The following EPG5 variants were observed in gnomAD, a reference collection of about 807,000 sequenced individuals.
EPG5 encodes the protein ectopic P granules protein 5 homolog.
Under a neutral mutation model 302.7 loss-of-function variants are expected in EPG5, and 159 were observed. The ratio of observed to expected loss-of-function variants is 0.53; its 90% confidence interval spans 0.46 to 0.60. EPG5 has a LOEUF of 0.60. Ranked by LOEUF, EPG5 falls within the 20% of genes least tolerant of loss-of-function variation. EPG5 has a pLI of 0.00. For synonymous variants in EPG5, 1,158 were observed against 1,136.8 expected (o/e 1.02, Z -0.37); for missense variants, 2,896 against 3,092.4 (o/e 0.94, Z 1.51).
At position 45,915,646 on chromosome 18, in the gene EPG5, G is replaced by A. The variant is rs1230108723; in HGVS notation, c.3583-25C>T. On this transcript the variant is annotated intron_variant, in intron 19 of 43. Coordinates refer to ENST00000282041, the MANE Select transcript of EPG5 (RefSeq NM_020964.3). Reference sequence around the variant, plus strand: ...TCTACACCGGGAGATGTGGAGCAGAGAGAGGAGGTTTTAAGGAAAATCTTA... The same window carrying A: ...TCTACACCGGGAGATGTGGAGCAGAAAGAGGAGGTTTTAAGGAAAATCTTA... 1.9e-6 allele frequency: 3 copies of A among 1,576,960 alleles called. No individual in the cohort carries two copies. The African/African-American group carries it at 4.0e-5, about 21-fold the overall frequency.
chr18:45,884,711 T>C lies in EPG5; in HGVS notation c.5210A>G (p.Asn1737Ser), dbSNP rs201509640. 162 of 1,612,090 alleles carry C rather than the reference T, an allele frequency of 1.0e-4. 1 individual carries two copies. Among genetic ancestry groups the C allele is most frequent in the East Asian group, 2.0e-4 (9 of 44,666 alleles). The change falls in exon 30 of 44, where the codon AAT (asparagine) becomes AGT (serine). Residue 1737 changes from asparagine (N) to serine (S), a missense_variant. Around this residue, in one of 5 missense-constraint regions of EPG5, gnomAD observed 790 missense variants for 798.0 expected, o/e 0.99. Coordinates refer to ENST00000282041, the MANE Select transcript of EPG5 (RefSeq NM_020964.3). ...CTGTATGAACTCTGCAGGTGCAGCA[T>C]TGGGAGTGAAGAAAGGAGACAGCAG... ...CSLLSPFFTPNAAPAEFIQLY... is the reference protein window; with the variant it reads ...CSLLSPFFTPSAAPAEFIQLY...
chr18:45,850,961 G>A lies in EPG5; in HGVS notation c.*1506C>T, dbSNP rs2048415885. On this transcript the variant is annotated 3_prime_UTR_variant, in exon 44 of 44. Coordinates refer to ENST00000282041, the MANE Select transcript of EPG5 (RefSeq NM_020964.3). ...CAGATCCCTCTGAGACGGACATTTT[G>A]TGGCCTGTAAAACTCAAGAGACTAA... is the stretch of plus-strand genomic sequence containing the variant. 2 of 152,312 alleles carry A rather than the reference G, an allele frequency of 1.3e-5. No homozygotes were observed. Among genetic ancestry groups the A allele is most frequent in the African/African-American group, 4.8e-5 (2 of 41,476 alleles). The allele number at this position is 152,312 out of a possible 1,614,324, so 9.4% of individuals were successfully genotyped here.
At position 45,870,551 on chromosome 18, in the gene EPG5, G is replaced by A; in HGVS notation, c.6225+16C>T. ...CAGATCTCTCTAGGCTGCGATGCCG[G>A]GAATGAAGGGCTTACTTTGAAGAAG... On this transcript the variant is annotated intron_variant, in intron 36 of 43. Coordinates refer to ENST00000282041, the MANE Select transcript of EPG5 (RefSeq NM_020964.3). 1.9e-6 allele frequency: 3 copies of A among 1,608,996 alleles called. No homozygotes were observed. Among genetic ancestry groups the A allele is most frequent in the Non-Finnish European group, 2.6e-6 (3 of 1,176,308 alleles).
chr18:45,865,684 T>C lies in EPG5; in HGVS notation c.6697A>G (p.Ile2233Val). 6.2e-7 allele frequency: 1 copy of C among 1,613,958 alleles called. No individual in the cohort carries two copies. Among genetic ancestry groups the C allele is most frequent in the Non-Finnish European group, 8.5e-7 (1 of 1,179,966 alleles). Residue 2233 changes from isoleucine (I) to valine (V), a missense_variant, in exon 39 of 44, where the codon ATC (isoleucine) becomes GTC (valine). Physicochemically the swap from Ile to Val is conservative, Grantham distance 29 (BLOSUM62 3). Around this residue, in one of 5 missense-constraint regions of EPG5, gnomAD observed 620 missense variants for 704.2 expected, o/e 0.88. Coordinates refer to ENST00000282041, the MANE Select transcript of EPG5 (RefSeq NM_020964.3). ...TCCTGTTCTAGGACTGCTAAGGTGA[T>C]TTTTCCATTTTGTTCCAGGGTGCTG... ...FLSTLEQNGK[I>V]TLAVLEQEMS...
At chr18:45,816,941 A>C in the EPG5 span, among the ~76,000 whole-genome samples, 1 of 152,278 alleles carries the variant, frequency 6.6e-6, no homozygotes, top group Non-Finnish European at 1.5e-5. Context: ...GCCATAAAAA[A>C]GGAATGAATT....
At chr18:45,954,369 T>C (rs776206669) in intron 2 of EPG5, 25 bp downstream of exon 2, 8 of 1,557,726 alleles carry the variant, frequency 5.1e-6, no homozygotes, top group Non-Finnish European at 6.9e-6. Context: ...CCGCTGCAAA[T>C]TCCCCAGGCT....
At chr18:45,868,558 C>T (rs1282192587) in intron 36 of EPG5, among the ~76,000 whole-genome samples, 3 of 150,164 alleles carry the variant, frequency 2.0e-5, no homozygotes, top group East Asian at 2.0e-4. Flanking sequence ...TAGTAGAGTC[C>T]GGGTTTCTCC....
At chr18:45,919,714 G>A (rs1193853714) in intron 16 of EPG5, among the ~76,000 whole-genome samples, 10 of 151,966 alleles carry the variant, frequency 6.6e-5, no homozygotes, top group East Asian at 1.9e-4. Context: ...GGGTTTCACC[G>A]TGTTAGCCAG....
intron 27 of EPG5, among the ~76,000 whole-genome samples, chr18:45,898,020 A>C (rs1046150827): frequency 2.0e-5 from 3 of 152,244 alleles, no homozygotes; most frequent in African/African-American, 7.2e-5. Flanking sequence ...TTTCAGCTTA[A>C]GGAATACTGA....
At chr18:45,886,660 C>T (rs1193523577) in intron 29 of EPG5, among the ~76,000 whole-genome samples, 1 of 151,984 alleles carries the variant, frequency 6.6e-6, no homozygotes, top group African/African-American at 2.4e-5. Context: ...AATAAGCATA[C>T]ATTAATTTTT....
chr18:45,867,019 A>G lies in EPG5; in HGVS notation c.6412-12T>C, dbSNP rs1337482435. 1 of 1,607,314 alleles carries G rather than the reference A, an allele frequency of 6.2e-7. No individual in the cohort carries two copies. The highest frequency in any genetic ancestry group is 8.5e-7 in the Non-Finnish European group (1 of 1,174,136). ...AGTAAAGGTGAATCCTAAAAATAAA[A>G]CACATATTCCTTTAGTTCCAGAGCC... On this transcript the variant is annotated splice_polypyrimidine_tract_variant and intron_variant, in intron 37 of 43. Coordinates refer to ENST00000282041, the MANE Select transcript of EPG5 (RefSeq NM_020964.3).
chr18:45,856,792 A>AT (rs34691850), intron 42 of EPG5, among the ~76,000 whole-genome samples: 9,607 of 152,308 alleles, frequency 0.063, 592 homozygotes, highest in African/African-American at 0.16. Context: ...GGAAACCATG[A>AT]TGTAAGTAAG....
chr18:45,948,233 C>G (rs1431461945), intron 6 of EPG5, among the ~76,000 whole-genome samples: 1 of 152,210 alleles, frequency 6.6e-6, no homozygotes, highest in African/African-American at 2.4e-5. Context: ...TTCCAAGAAA[C>G]AGATCACCTT....
intron 34 of EPG5, among the ~76,000 whole-genome samples, chr18:45,877,580 T>C (rs2049000683): frequency 6.6e-6 from 1 of 152,210 alleles, no homozygotes; most frequent in Non-Finnish European, 1.5e-5. Context: ...ATTATTCAGA[T>C]AGCCCTCTAG....
the EPG5 span, among the ~76,000 whole-genome samples, chr18:45,830,363 T>A: frequency 1.3e-5 from 2 of 152,232 alleles, no homozygotes; most frequent in Admixed American, 6.5e-5. Context: ...ATCAGTCAAC[T>A]GCTCCCTAGT....
intron 34 of EPG5, among the ~76,000 whole-genome samples, chr18:45,876,786 ATT>A (rs887769565): frequency 6.8e-6 from 1 of 146,558 alleles, no homozygotes; most frequent in Non-Finnish European, 1.5e-5. Flanking sequence ...AGCAAATAAA[ATT>A]TTTTTTTTTT....
chr18:45,949,974 G>T (rs2050869297), intron 4 of EPG5, among the ~76,000 whole-genome samples: 1 of 152,128 alleles, frequency 6.6e-6, no homozygotes, highest in Admixed American at 6.5e-5. Flanking sequence ...CCTAAAAAGA[G>T]CAACCAAGGC....
intron 41 of EPG5, 74 bp from the exon 42 acceptor site, chr18:45,858,142 C>T (rs987877153): frequency 6.2e-6 from 7 of 1,125,258 alleles, no homozygotes; most frequent in Non-Finnish European, 9.1e-6. Context: ...AAGTCCACAT[C>T]AGAGTTTGAA....
chr18:45,806,815 ACATCTT>A, the EPG5 span, among the ~76,000 whole-genome samples: 1 of 152,204 alleles, frequency 6.6e-6, no homozygotes, highest in Non-Finnish European at 1.5e-5. Context: ...AGAGAGAAGG[ACATCTT>A]CAGCTGAACT....
Sources: allele counts gnomAD v4.1 joint callset (sites outside exome capture counted in the v4.1 genomes callset), GRCh38; gene constraint gnomAD v4.1.1; regional missense constraint gnomAD v4.1.1; transcripts MANE v1.5; gene names NCBI Gene and HGNC (gene_info 2026-07-23, HGNC 2026-07-21).